The following FGD5 variants were observed in gnomAD, a reference collection of about 807,000 sequenced individuals.
FGD5 encodes the protein FYVE, RhoGEF and PH domain containing 5.
A neutral mutation model predicts 133.4 loss-of-function variants in FGD5; 28 were observed. The observed-to-expected ratio is 0.21, with a 90% CI of 0.16 to 0.29. FGD5 has a LOEUF of 0.29. Among genes scored for constraint, FGD5 ranks in the 10% least tolerant of loss-of-function variants. FGD5 has a pLI of 1.00. For missense variants in FGD5, 1,858 were observed against 1,895.2 expected, an observed-to-expected ratio of 0.98 and a Z score of 0.36; for synonymous variants, 810 against 776.5, an observed-to-expected ratio of 1.04 and a Z score of -0.72.
intron 17 of FGD5, among the ~76,000 whole-genome samples, chr3:14,924,387 A>T (rs2038751912): frequency 6.6e-6 from 1 of 151,674 alleles, no homozygotes; most frequent in South Asian, 2.1e-4. Flanking sequence ...CTCCTGCCCC[A>T]TAGCTTAGAT....
In FGD5 at chr3:14,859,165, A is replaced by G. The variant is rs1003858022; in HGVS notation, c.2526-4963A>G. Reference sequence around the variant, plus strand: ...TAATCCTATACATTTATGGGGTACAATGTGATGTTTTAGTATATGTATACA... The same window carrying G: ...TAATCCTATACATTTATGGGGTACAGTGTGATGTTTTAGTATATGTATACA... On this transcript the variant is annotated intron_variant, in intron 1 of 19. Coordinates refer to ENST00000285046, the MANE Select transcript of FGD5 (RefSeq NM_152536.4). 1.4e-4 allele frequency among the ~76,000 whole-genome samples: 22 copies of G among 152,344 alleles called. No homozygotes were observed. In the East Asian group the frequency reaches 3.5e-3, roughly 24 times the overall value.
Position 14,886,551 on chromosome 3 carries a change from T to C in FGD5, c.2748+5779T>C, listed in dbSNP as rs558249598. On this transcript the variant is annotated intron_variant, in intron 4 of 19. Transcript: ENST00000285046. ...AAAGGCGTAAGGGGCAGGGACGTGC[T>C]CTCCCCTCCGATGAGGCTGTGGCAA... Among the ~76,000 whole-genome samples, 3 of 152,214 alleles carry C rather than the reference T, an allele frequency of 2.0e-5. No individual in the cohort carries two copies. The South Asian group carries it at 6.2e-4, about 32-fold the overall frequency.
chr3:14,893,626 G>A (rs1024312884), intron 4 of FGD5, among the ~76,000 whole-genome samples: 8 of 152,110 alleles, frequency 5.3e-5, no homozygotes, highest in Non-Finnish European at 7.3e-5. Context: ...GGGATTATAG[G>A]TGTGAGCCAC....
intron 12 of FGD5, among the ~76,000 whole-genome samples, chr3:14,918,329 C>G (rs2038601028): frequency 6.6e-6 from 1 of 152,204 alleles, no homozygotes; most frequent in South Asian, 2.1e-4. Context: ...AGGCACTGTG[C>G]AATCTCTCTT....
At chr3:14,871,010 C>A (rs1387213240) in intron 2 of FGD5, among the ~76,000 whole-genome samples, 1 of 152,224 alleles carries the variant, frequency 6.6e-6, no homozygotes, top group Non-Finnish European at 1.5e-5. Flanking sequence ...GCTCCTTAAA[C>A]CCACCTCAGA....
chr3:14,923,950 A>G, intron 16 of FGD5, 58 bp from the exon 17 acceptor site: 1 of 1,603,746 alleles, frequency 6.2e-7, no homozygotes, highest in Non-Finnish European at 8.5e-7. Context: ...CAGTGTTCCA[A>G]AGACAAGCCG....
At position 14,821,552 on chromosome 3, in the gene FGD5, C is replaced by T. The variant is rs111313319; in HGVS notation, c.2481C>T (p.Asn827=). ...GCTACGTGGACATGAGCAGCTTCAA[C>T]GCCTTTGAGAGCAAACAGCAGAGTG... The part of the protein sequence containing the change: ...NDGYVDMSSF[N]AFESKQQSAD... Residue 827 remains asparagine, a synonymous_variant, in exon 1 of 20, where the codon AAC becomes AAT. Transcript: ENST00000285046. The T allele has an allele frequency of 2.8e-5, 45 of 1,612,178 alleles. No individual in the cohort carries two copies. The highest frequency in any genetic ancestry group is 3.6e-5 in the Non-Finnish European group (43 of 1,178,804).
At chr3:14,841,673 C>T (rs1290320407) in intron 1 of FGD5, among the ~76,000 whole-genome samples, 9 of 151,654 alleles carry the variant, frequency 5.9e-5, no homozygotes, top group Admixed American at 3.3e-4. Context: ...TAAAGGACAT[C>T]GGTGGGGGCA....
At position 14,819,254 on chromosome 3, in the gene FGD5, C is replaced by T. The variant is rs575922284; in HGVS notation, c.183C>T (p.Thr61=). The T allele has an allele frequency of 2.0e-4, 313 of 1,538,576 alleles. 2 individuals carry two copies. In the South Asian group the frequency reaches 3.6e-3, roughly 18 times the overall value. ...TCCCAAAGTGCTCTGAGTCGGAGAC[C>T]GACGAGGATTACATCGTGGTCCCCA... The part of the protein sequence containing the change: ...RSIPKCSESE[T]DEDYIVVPRV... Residue 61 remains threonine, a synonymous_variant, in exon 1 of 20, where the codon ACC becomes ACT. Coordinates refer to ENST00000285046, the MANE Select transcript of FGD5 (RefSeq NM_152536.4). The surrounding 1 kb of genome is among the most constrained non-coding windows in gnomAD (Gnocchi z 4.1).
At chr3:14,866,679 C>G (rs1463113322) in intron 2 of FGD5, among the ~76,000 whole-genome samples, 2 of 152,230 alleles carry the variant, frequency 1.3e-5, no homozygotes, top group Non-Finnish European at 2.9e-5. Context: ...ATGCATGCCA[C>G]TCAGGAAAGA....
At chr3:14,906,961 A>G (rs1187973198) in intron 9 of FGD5, among the ~76,000 whole-genome samples, 4 of 152,210 alleles carry the variant, frequency 2.6e-5, no homozygotes, top group Admixed American at 6.5e-5. Context: ...TGGAACCACA[A>G]TTACTCATTT....
At chr3:14,838,777 C>T (rs1158920876) in intron 1 of FGD5, among the ~76,000 whole-genome samples, 1 of 152,150 alleles carries the variant, frequency 6.6e-6, no homozygotes, top group Non-Finnish European at 1.5e-5. Context: ...ACTTCCAGTC[C>T]AAACAGGGAG....
chr3:14,885,734 A>T (rs564546259), intron 4 of FGD5, among the ~76,000 whole-genome samples: 44 of 152,270 alleles, frequency 2.9e-4, no homozygotes, highest in Middle Eastern at 3.4e-3. Flanking sequence ...TGGCATTTTT[A>T]TGATCTGGCC....
chr3:14,820,996 C>T lies in FGD5; in HGVS notation c.1925C>T (p.Ser642Phe), dbSNP rs367631926. 10 of 1,613,778 alleles carry T rather than the reference C, an allele frequency of 6.2e-6. No individual in the cohort carries two copies. The highest frequency in any genetic ancestry group is 3.3e-5 in the Admixed American group (2 of 60,000). Residue 642 changes from serine to phenylalanine, a missense_variant, in exon 1 of 20, where the codon TCC (serine) becomes TTC (phenylalanine). Coordinates refer to ENST00000285046, the MANE Select transcript of FGD5 (RefSeq NM_152536.4). ...CCCTCACTCCTGATCGAGAGCGACT[C>T]CCCGGACAAGTACAAGAAGAAGAAG... ...SSPSLLIESD[S>F]PDKYKKKKSS...
At chr3:14,845,187 C>A (rs922891259) in intron 1 of FGD5, among the ~76,000 whole-genome samples, 3 of 152,186 alleles carry the variant, frequency 2.0e-5, no homozygotes, top group Non-Finnish European at 2.9e-5. Flanking sequence ...CAGGTCCTTT[C>A]CATTGTAAAG....
chr3:14,884,074 A>G (rs973596704), intron 4 of FGD5, among the ~76,000 whole-genome samples: 5 of 152,208 alleles, frequency 3.3e-5, no homozygotes, highest in Non-Finnish European at 5.9e-5. Context: ...TGGATCCCCA[A>G]ATAAGGCTAG....
rs761386613 is a variant in FGD5 at position 14,820,941 on chromosome 3, A to G, written c.1870A>G (p.Ile624Val). Reference sequence around the variant, plus strand: ...CCCACCTCCTTTCGACCTGGCCTGCATCACCAAGAAGCCCATCACAAAGAG... The same window carrying G: ...CCCACCTCCTTTCGACCTGGCCTGCGTCACCAAGAAGCCCATCACAAAGAG... ...DIPPPFDLAC[I>V]TKKPITKSSP... is the part of the protein sequence containing the mutation. Residue 624 changes from isoleucine (I) to valine (V), a missense_variant, in exon 1 of 20, where the codon ATC (isoleucine) becomes GTC (valine). By Grantham distance (29) the Ile-to-Val change is conservative (BLOSUM62 3). Transcript: ENST00000285046. 3.2e-5 allele frequency: 52 copies of G among 1,613,812 alleles called. No individual in the cohort carries two copies. Among genetic ancestry groups the G allele is most frequent in the Admixed American group, 2.5e-4 (15 of 59,998 alleles).
chr3:14,829,819 C>T (rs1277024818), intron 1 of FGD5, among the ~76,000 whole-genome samples: 1 of 152,180 alleles, frequency 6.6e-6, no homozygotes, highest in Non-Finnish European at 1.5e-5. Flanking sequence ...TTCCTCCTCC[C>T]CACCTGTCAG....
chr3:14,909,761 C>CTTTT (rs201883392), intron 10 of FGD5, among the ~76,000 whole-genome samples: 1 of 137,500 alleles, frequency 7.3e-6, no homozygotes, highest in Non-Finnish European at 1.6e-5. Flanking sequence ...CTTTTCTTTT[C>CTTTT]TTTTTTTTTT....
Sources: allele counts gnomAD v4.1 joint callset (sites outside exome capture counted in the v4.1 genomes callset), GRCh38; gene constraint gnomAD v4.1.1; non-coding constraint Gnocchi (gnomAD v3.1); transcripts MANE v1.5; gene names NCBI Gene and HGNC (gene_info 2026-07-23, HGNC 2026-07-21).